The following HERC6 variants were observed in gnomAD, a reference collection of about 807,000 sequenced individuals.
The protein encoded by HERC6 is probable E3 ubiquitin-protein ligase HERC6.
HERC6 carries 101 observed loss-of-function variants against 114.5 expected under a neutral mutation model. The observed-to-expected ratio is 0.88, with a 90% CI of 0.75 to 1.04. The LOEUF is 1.04. HERC6 is among the 50% of genes least tolerant of loss of function. The pLI, the probability that HERC6 is intolerant of heterozygous loss-of-function variation, is 0.00. For synonymous variants in HERC6, 408 were observed against 436.2 expected (o/e 0.94, Z 0.81); for missense variants, 1,133 against 1,230.9 (o/e 0.92, Z 1.19).
intron 8 of HERC6, among the ~76,000 whole-genome samples, chr4:88,401,641 G>C (rs1735552870): frequency 6.6e-6 from 1 of 152,184 alleles, no homozygotes; most frequent in South Asian, 2.1e-4. Context: ...AACGGTACAG[G>C]TGAAGGTAGG....
At chr4:88,421,705 C>G (rs557384357) in intron 13 of HERC6, among the ~76,000 whole-genome samples, 1 of 152,294 alleles carries the variant, frequency 6.6e-6, no homozygotes, top group South Asian at 2.1e-4. Flanking sequence ...CTCAGTCTTT[C>G]AAAGTGCTAG....
chr4:88,408,572 A>G lies in HERC6; in HGVS notation c.1323A>G (p.Arg441=). The G allele has an allele frequency of 2.5e-6, 4 of 1,598,160 alleles. No individual in the cohort carries two copies. The highest frequency in any genetic ancestry group is 2.6e-6 in the Non-Finnish European group (3 of 1,171,826). The change falls in exon 11 of 23, where the codon AGA becomes AGG. Residue 441 remains arginine (R), a synonymous_variant. Transcript: ENST00000264346. Reference sequence around the variant, plus strand: ...TTGATGTGGACTTAGAAATGGCAAGAGATACCTTCAAGAAGTTAACAAAAA... The same window carrying G: ...TTGATGTGGACTTAGAAATGGCAAGGGATACCTTCAAGAAGTTAACAAAAA... ...TSIDVDLEMA[R]DTFKKLTKKE...
intron 2 of HERC6, among the ~76,000 whole-genome samples, chr4:88,383,976 G>A (rs1030699938): frequency 2.0e-5 from 3 of 152,064 alleles, no homozygotes; most frequent in Middle Eastern, 6.8e-3. Flanking sequence ...TCCAGAGTGG[G>A]TATAAAGACC....
At chr4:88,380,965 G>C (rs1032037727) in intron 1 of HERC6, among the ~76,000 whole-genome samples, 1 of 151,890 alleles carries the variant, frequency 6.6e-6, no homozygotes, top group Non-Finnish European at 1.5e-5. Context: ...TTTTCATCAA[G>C]CATAATCTTA....
intron 1 of HERC6, among the ~76,000 whole-genome samples, 184 bp downstream of exon 1, chr4:88,379,304 C>T (rs1225125629): frequency 6.6e-6 from 1 of 152,100 alleles, no homozygotes; most frequent in Non-Finnish European, 1.5e-5. Flanking sequence ...GTGCTGGGAG[C>T]CTTGGATTCC....
chr4:88,428,742 G>C lies in HERC6; in HGVS notation c.2098G>C (p.Val700Leu). The C allele has an allele frequency of 1.9e-6, 3 of 1,551,680 alleles. No homozygotes were observed. The South Asian group carries it at 3.8e-5, about 19-fold the overall frequency. ...SQAEATDFCK[V>L]LVVEFINEIC... ...AGCTGAAGCTACTGACTTCTGCAAAGTATTAGTGGTACAGTAAAAAGTCTC... is the reference window on the plus strand; with the variant it reads ...AGCTGAAGCTACTGACTTCTGCAAACTATTAGTGGTACAGTAAAAAGTCTC... Residue 700 changes from valine (V) to leucine (L), a missense_variant, in exon 16 of 23, where the codon GTA becomes CTA. Physicochemically the swap from Val to Leu is conservative, Grantham distance 32. Around this residue, in one of 3 missense-constraint regions of HERC6, gnomAD observed 388 missense variants for 445.9 expected, o/e 0.87. Coordinates refer to ENST00000264346, the MANE Select transcript of HERC6 (RefSeq NM_017912.4).
intron 2 of HERC6, among the ~76,000 whole-genome samples, chr4:88,385,150 G>A (rs946583831): frequency 1.3e-5 from 2 of 152,136 alleles, no homozygotes; most frequent in African/African-American, 4.8e-5. Flanking sequence ...AGTTGTTGGT[G>A]TTCTATAAAT....
chr4:88,428,625 C>CA lies in HERC6; in HGVS notation c.1988dup (p.Asp664GlyfsTer2), dbSNP rs780888205. The CA allele has an allele frequency of 3.0e-5, 48 of 1,607,420 alleles. No homozygotes were observed. The highest frequency in any genetic ancestry group is 1.7e-4 in the Middle Eastern group (1 of 6,060). ...CATGCTTATGCATGAAACAATTCTG[C>CA]AAAAAAAGGATGAATTTCCTCCATC... On this transcript the variant is annotated frameshift_variant, in exon 16 of 23. Coordinates refer to ENST00000264346, the MANE Select transcript of HERC6 (RefSeq NM_017912.4). LOFTEE classifies it high-confidence loss of function.
intron 8 of HERC6, among the ~76,000 whole-genome samples, chr4:88,402,353 AG>A (rs1173929210): frequency 1.3e-5 from 2 of 152,210 alleles, no homozygotes; most frequent in Non-Finnish European, 2.9e-5. Flanking sequence ...TGTCATAACT[AG>A]GGGAGAGCAT....
chr4:88,409,475 G>A (rs1735978214), intron 11 of HERC6, among the ~76,000 whole-genome samples: 1 of 152,134 alleles, frequency 6.6e-6, no homozygotes, highest in Non-Finnish European at 1.5e-5. Context: ...GTACTATTAG[G>A]TGCTGACATT....
chr4:88,420,556 C>T (rs1560558018), intron 13 of HERC6, among the ~76,000 whole-genome samples: 1 of 152,106 alleles, frequency 6.6e-6, no homozygotes, highest in Non-Finnish European at 1.5e-5. Context: ...ATGTAGAAGT[C>T]TTGCAGTCTT....
intron 2 of HERC6, among the ~76,000 whole-genome samples, chr4:88,384,025 ATATAAATCTTACCT>A (rs1734454154): frequency 6.6e-6 from 1 of 152,108 alleles, no homozygotes; most frequent in Admixed American, 6.6e-5. Context: ...AAAGATACAG[ATATAAATCTTACCT>A]GAACTTCCTT....
At chr4:88,403,052 C>T (rs1735627382) in intron 8 of HERC6, among the ~76,000 whole-genome samples, 1 of 152,174 alleles carries the variant, frequency 6.6e-6, no homozygotes, top group Admixed American at 6.5e-5. Flanking sequence ...TAAGTTATAG[C>T]AGAGCACTAA....
chr4:88,398,544 C>T (rs535625165), intron 8 of HERC6: 75 of 189,064 alleles, frequency 4.0e-4, no homozygotes, highest in African/African-American at 1.8e-3. Context: ...CTGAATTTTC[C>T]CTGTCCAGGA....
rs1465440457 is a variant in HERC6 at position 88,413,107 on chromosome 4, A to C, written c.1399A>C (p.Arg467=). 1 of 1,612,906 alleles carries C rather than the reference A, an allele frequency of 6.2e-7. No homozygotes were observed. Among genetic ancestry groups the C allele is most frequent in the Non-Finnish European group, 8.5e-7 (1 of 1,179,432 alleles). ...ITTCLEDDLL[R]ALPCHSPHQE... Reference sequence around the variant, plus strand: ...TACGTGTCTCGAGGATGATCTGCTCAGAGCTCTTCCATGCCATTCTCCACA... The same window carrying C: ...TACGTGTCTCGAGGATGATCTGCTCCGAGCTCTTCCATGCCATTCTCCACA... The change falls in exon 12 of 23, where the codon AGA becomes CGA. Residue 467 remains arginine (R), a synonymous_variant. Transcript: ENST00000264346.
intron 19 of HERC6, among the ~76,000 whole-genome samples, chr4:88,437,414 T>C (rs1318288462): frequency 6.6e-6 from 1 of 152,134 alleles, no homozygotes; most frequent in East Asian, 1.9e-4. Flanking sequence ...TTTCCCCTTA[T>C]CTTCTTCTCA....
In HERC6 at chr4:88,428,750, G is replaced by A. The variant is rs989330251; in HGVS notation, c.2106G>A (p.Val702=). The A allele has an allele frequency of 2.6e-6, 4 of 1,528,616 alleles. No individual in the cohort carries two copies. The highest frequency in any genetic ancestry group is 2.6e-6 in the Non-Finnish European group (3 of 1,141,780). 94.7% of individuals were successfully genotyped at this position (1,528,616 alleles called of 1,614,324 possible). ...AEATDFCKVL[V]VEFINEICPE... The stretch of plus-strand genomic sequence containing the variant: ...CTACTGACTTCTGCAAAGTATTAGT[G>A]GTACAGTAAAAAGTCTCATTGAACA... The change falls in exon 16 of 23, where the codon GTG becomes GTA. Residue 702 remains valine, a splice_region_variant and synonymous_variant. Coordinates refer to ENST00000264346, the MANE Select transcript of HERC6 (RefSeq NM_017912.4).
chr4:88,417,933 A>G (rs1051575145), intron 13 of HERC6, among the ~76,000 whole-genome samples: 1 of 141,012 alleles, frequency 7.1e-6, no homozygotes, highest in Non-Finnish European at 1.5e-5. Context: ...GTGACAGAGC[A>G]AAACCACATT....
intron 13 of HERC6, among the ~76,000 whole-genome samples, chr4:88,422,837 A>G (rs1285095007): frequency 6.6e-6 from 1 of 152,190 alleles, no homozygotes; most frequent in Non-Finnish European, 1.5e-5. Flanking sequence ...ACTAATCTAT[A>G]AACCTTTTGG....
Sources: allele counts gnomAD v4.1 joint callset (sites outside exome capture counted in the v4.1 genomes callset), GRCh38; gene constraint gnomAD v4.1.1; regional missense constraint gnomAD v4.1.1; transcripts MANE v1.5; gene names NCBI Gene and HGNC (gene_info 2026-07-23, HGNC 2026-07-21).